Variants in CUL1 observed in about 807,000 individuals in gnomAD.
CUL1 encodes cullin 1, also known as cullin-1.
Under a neutral mutation model 118.0 loss-of-function variants are expected in CUL1, and 24 were observed. That is an observed-to-expected ratio of 0.20 (90% CI 0.15 to 0.29). CUL1 has a LOEUF of 0.29. CUL1 is among the 10% of genes least tolerant of loss of function. CUL1 has a pLI of 1.00. For missense variants in CUL1, 361 were observed against 933.8 expected (o/e 0.39, Z 7.99); for synonymous variants, 332 against 340.4 (o/e 0.98, Z 0.27).
At chr7:148,770,852 A>T (rs1448132775) in intron 9 of CUL1, among the ~76,000 whole-genome samples, 2 of 152,252 alleles carry the variant, frequency 1.3e-5, no homozygotes, top group Non-Finnish European at 2.9e-5. Context: ...TGTAAAAGAC[A>T]CATTGTAACC....
At position 148,759,457 on chromosome 7, in the gene CUL1, T is replaced by C. The variant is rs1235998674; in HGVS notation, c.535-91T>C. On this transcript the variant is annotated intron_variant, in intron 5 of 21. Coordinates refer to ENST00000325222, the MANE Select transcript of CUL1 (RefSeq NM_003592.3). Reference sequence around the variant, plus strand: ...CTCCTTCGGATTATCCCATCTTACATTGTTTAGTGGCTGTGAATGTTTAAG... The same window carrying C: ...CTCCTTCGGATTATCCCATCTTACACTGTTTAGTGGCTGTGAATGTTTAAG... 6 of 1,406,832 alleles carry C rather than the reference T, an allele frequency of 4.3e-6. No homozygotes were observed. The South Asian group carries it at 5.8e-5, about 14-fold the overall frequency. The allele number at this position is 1,406,832 out of a possible 1,614,324, so 87.1% of individuals were successfully genotyped here.
At chr7:148,776,594 G>A (rs1309174007) in intron 9 of CUL1, among the ~76,000 whole-genome samples, 2 of 151,956 alleles carry the variant, frequency 1.3e-5, no homozygotes, top group Non-Finnish European at 2.9e-5. Flanking sequence ...TGGGATTACA[G>A]GTGTGATCCA....
At chr7:148,792,984 A>G (rs538627398) in intron 17 of CUL1, among the ~76,000 whole-genome samples, 166 bp downstream of exon 17, 103 of 152,300 alleles carry the variant, frequency 6.8e-4, no homozygotes, top group Admixed American at 1.8e-3. Flanking sequence ...TACGCACTAC[A>G]AAAAGCTTCA....
At position 148,792,720 on chromosome 7, in the gene CUL1, G is replaced by T. The variant is rs185572925; in HGVS notation, c.1807-6G>T. 2 of 1,604,190 alleles carry T rather than the reference G, an allele frequency of 1.2e-6. No individual in the cohort carries two copies. The highest frequency in any genetic ancestry group is 2.2e-5 in the East Asian group (1 of 44,644). On this transcript the variant is annotated splice_region_variant and splice_polypyrimidine_tract_variant and intron_variant, in intron 16 of 21. Coordinates refer to ENST00000325222, the MANE Select transcript of CUL1 (RefSeq NM_003592.3). Reference sequence around the variant, plus strand: ...TTCTTTTTCTTTTATATGGGGGGCCGCAAAGGCGTCGACATTCCAGATGGC... The same window carrying T: ...TTCTTTTTCTTTTATATGGGGGGCCTCAAAGGCGTCGACATTCCAGATGGC...
At chr7:148,742,359 G>A (rs1187365495) in intron 2 of CUL1, among the ~76,000 whole-genome samples, 4 of 152,148 alleles carry the variant, frequency 2.6e-5, no homozygotes, top group Non-Finnish European at 5.9e-5. Flanking sequence ...GTAGGCAAGA[G>A]AGCTTATGCA....
intron 2 of CUL1, among the ~76,000 whole-genome samples, chr7:148,738,919 T>C (rs989233873): frequency 3.9e-5 from 6 of 152,198 alleles, no homozygotes; most frequent in Non-Finnish European, 8.8e-5. Flanking sequence ...ACTTAATTTG[T>C]GTGCATGTTG....
At chr7:148,788,724 A>G in intron 14 of CUL1, 50 bp downstream of exon 14, 1 of 1,204,532 alleles carries the variant, frequency 8.3e-7, no homozygotes, top group Non-Finnish European at 1.2e-6. Flanking sequence ...AGTTCTCTGT[A>G]GCAAATGAAG....
intron 1 of CUL1, among the ~76,000 whole-genome samples, chr7:148,700,072 G>A (rs922747196): frequency 1.1e-4 from 17 of 152,208 alleles, no homozygotes; most frequent in African/African-American, 4.1e-4. Context: ...CCAAAAAGAG[G>A]ATTCTCTTTT....
chr7:148,745,010 C>T (rs1167101375), intron 2 of CUL1, among the ~76,000 whole-genome samples: 2 of 151,724 alleles, frequency 1.3e-5, no homozygotes, highest in Non-Finnish European at 2.9e-5. Flanking sequence ...GTTCTTTTTC[C>T]CTGTCCGCTT....
At chr7:148,760,958 G>A (rs1334235445) in intron 7 of CUL1, among the ~76,000 whole-genome samples, 1 of 152,196 alleles carries the variant, frequency 6.6e-6, no homozygotes, top group East Asian at 1.9e-4. Flanking sequence ...GAGGACGGCT[G>A]TCCTCCCGCT....
At chr7:148,705,686 A>C (rs557798787) in intron 1 of CUL1, among the ~76,000 whole-genome samples, 28 of 152,314 alleles carry the variant, frequency 1.8e-4, no homozygotes, top group African/African-American at 6.5e-4. Flanking sequence ...AAAGGTTTGG[A>C]ATCCTAGATG....
Position 148,786,587 on chromosome 7 carries a change from A to G in CUL1, c.1335A>G (p.Thr445=), listed in dbSNP as rs1173709220. ...CAGAGGAGGCAGAACTAGAAGACACACTCAATCAAGTGGTAAGTGCTTCAT... is the reference window on the plus strand; with the variant it reads ...CAGAGGAGGCAGAACTAGAAGACACGCTCAATCAAGTGGTAAGTGCTTCAT... The part of the protein sequence containing the change: ...KNPEEAELED[T]LNQVMVVFKY... Residue 445 remains threonine (T), a synonymous_variant, in exon 12 of 22, where the codon ACA becomes ACG. Transcript: ENST00000325222. The G allele has an allele frequency of 2.5e-6, 4 of 1,613,762 alleles. No individual in the cohort carries two copies. Among genetic ancestry groups the G allele is most frequent in the Middle Eastern group, 1.6e-4 (1 of 6,062 alleles).
At chr7:148,767,590 T>C in intron 8 of CUL1, 29 bp from the exon 9 acceptor site, 2 of 1,609,086 alleles carry the variant, frequency 1.2e-6, no homozygotes, top group Non-Finnish European at 1.7e-6. Flanking sequence ...TTTTTTTCAG[T>C]GCATAAAAGG....
At chr7:148,739,447 C>G (rs1384736974) in intron 2 of CUL1, among the ~76,000 whole-genome samples, 1 of 152,224 alleles carries the variant, frequency 6.6e-6, no homozygotes, top group Non-Finnish European at 1.5e-5. Context: ...CGAAGGTGCC[C>G]TAAACCGGGG....
intron 1 of CUL1, among the ~76,000 whole-genome samples, chr7:148,727,026 A>C (rs533596178): frequency 2.0e-5 from 3 of 152,136 alleles, no homozygotes; most frequent in African/African-American, 7.2e-5. Flanking sequence ...TAAATAAATA[A>C]ATAAGCATGC....
chr7:148,794,461 T>G (rs1801116434), intron 17 of CUL1, among the ~76,000 whole-genome samples: 1 of 152,208 alleles, frequency 6.6e-6, no homozygotes, highest in African/African-American at 2.4e-5. Flanking sequence ...TCACACTGTC[T>G]GGATTACTGT....
intron 1 of CUL1, among the ~76,000 whole-genome samples, chr7:148,725,731 C>T (rs1798558395): frequency 6.6e-6 from 1 of 152,214 alleles, no homozygotes; most frequent in Admixed American, 6.5e-5. Context: ...GATGTGCCTA[C>T]TTCTAACATT....
At chr7:148,795,226 G>C (rs1310933444) in intron 17 of CUL1, among the ~76,000 whole-genome samples, 1 of 152,102 alleles carries the variant, frequency 6.6e-6, no homozygotes, top group African/African-American at 2.4e-5. Flanking sequence ...GCTCACTGCG[G>C]TATCAAATGA....
chr7:148,786,407 G>A (rs1044446044), intron 11 of CUL1, 144 bp from the exon 12 acceptor site: 5 of 625,364 alleles, frequency 8.0e-6, no homozygotes, highest in Admixed American at 3.0e-5. Context: ...TTTGCTGTAG[G>A]TAAGGAAAGT....
Sources: allele counts gnomAD v4.1 joint callset (sites outside exome capture counted in the v4.1 genomes callset), GRCh38; gene constraint gnomAD v4.1.1; transcripts MANE v1.5; gene names NCBI Gene and HGNC (gene_info 2026-07-23, HGNC 2026-07-21).